The following COL4A3 variants were observed in gnomAD, a reference collection of about 807,000 sequenced individuals.
The protein encoded by COL4A3 is collagen alpha-3(IV) chain.
Under a neutral mutation model 217.4 loss-of-function variants are expected in COL4A3, and 135 were observed. The ratio of observed to expected loss-of-function variants is 0.62; its 90% CI spans 0.54 to 0.72. The LOEUF is 0.72. COL4A3 is among the 30% of genes least tolerant of loss of function. COL4A3 has a pLI of 0.00. For synonymous variants in COL4A3, 690 were observed against 736.3 expected, an observed-to-expected ratio of 0.94 and a Z score of 1.02; for missense variants, 1,868 against 2,119.9, an observed-to-expected ratio of 0.88 and a Z score of 2.33.
intron 28 of COL4A3, among the ~76,000 whole-genome samples, chr2:227,279,225 T>G (rs187073729): frequency 5.4e-4 from 82 of 151,888 alleles, no homozygotes; most frequent in African/African-American, 2.0e-3. Flanking sequence ...ATTACAGACA[T>G]GTGCCACCAT....
intron 1 of COL4A3, among the ~76,000 whole-genome samples, chr2:227,206,293 C>T (rs2067098917): frequency 6.6e-6 from 1 of 152,212 alleles, no homozygotes; most frequent in Admixed American, 6.5e-5. Context: ...AGGCTGGTCT[C>T]AACTCCTGAC....
chr2:227,292,324 A>G (rs530239673), intron 37 of COL4A3, among the ~76,000 whole-genome samples: 1 of 152,314 alleles, frequency 6.6e-6, no homozygotes, highest in South Asian at 2.1e-4. Context: ...TTTGTTCTTT[A>G]TATTTAGATT....
chr2:227,271,337 A>G (rs73993879), intron 25 of COL4A3, among the ~76,000 whole-genome samples: 4,421 of 152,236 alleles, frequency 0.029, 237 homozygotes, highest in African/African-American at 0.1. Flanking sequence ...AAGACAGCAT[A>G]TTTAGGGGTA....
intron 5 of COL4A3, 133 bp downstream of exon 5, chr2:227,245,128 T>C (rs890208709): frequency 1.2e-6 from 1 of 808,382 alleles, no homozygotes; most frequent in Admixed American, 1.9e-5. Context: ...CTTAGGATGG[T>C]ATATTATACT....
At position 227,313,609 on chromosome 2, in the gene COL4A3, C is replaced by G. The variant is rs750139996; in HGVS notation, c.*1739C>G. 2 of 152,530 alleles carry G rather than the reference C, an allele frequency of 1.3e-5. No homozygotes were observed. Among genetic ancestry groups the G allele is most frequent in the Non-Finnish European group, 2.9e-5 (2 of 68,018 alleles). 9.4% of individuals were successfully genotyped at this position (152,530 alleles called of 1,614,324 possible). The stretch of plus-strand genomic sequence containing the variant: ...TTGCTTTGTAAGTGAAAAACATGAC[C>G]CAGAGGACAGCACAGACTATGGCCA... On this transcript the variant is annotated 3_prime_UTR_variant, in exon 52 of 52. Transcript: ENST00000396578.
At chr2:227,194,120 C>G (rs1308262495) in intron 1 of COL4A3, among the ~76,000 whole-genome samples, 2 of 140,574 alleles carry the variant, frequency 1.4e-5, no homozygotes, top group Non-Finnish European at 3.2e-5. Flanking sequence ...AGGAAGAGTC[C>G]TATGGGTTAT....
At chr2:227,211,232 C>T (rs1482682949) in intron 1 of COL4A3, among the ~76,000 whole-genome samples, 3 of 152,122 alleles carry the variant, frequency 2.0e-5, no homozygotes, top group Admixed American at 6.5e-5. Flanking sequence ...ATCTCTTGAC[C>T]TCGTGATCCG....
rs1227791162 is a variant in COL4A3, at chr2:227,312,595, T to A, written c.*725T>A. 1 of 152,564 alleles carries A rather than the reference T, an allele frequency of 6.6e-6. No homozygotes were observed. Among genetic ancestry groups the A allele is most frequent in the Non-Finnish European group, 1.5e-5 (1 of 68,054 alleles). The allele number at this position is 152,564 out of a possible 1,614,324, so 9.5% of individuals were successfully genotyped here. On this transcript the variant is annotated 3_prime_UTR_variant, in exon 52 of 52. Coordinates refer to ENST00000396578, the MANE Select transcript of COL4A3 (RefSeq NM_000091.5). ...ACTGTAGCTCTAAAATCTGCTTGTA[T>A]TCCAAGCATATAAAATTTTCCCCCT...
chr2:227,263,996 T>A (rs754897004), intron 21 of COL4A3, 52 bp downstream of exon 21: 1 of 1,606,874 alleles, frequency 6.2e-7, no homozygotes, highest in Non-Finnish European at 8.5e-7. Context: ...ATGACAGATG[T>A]GTGCAAACCA....
At chr2:227,235,556 G>A (rs2068644758) in intron 1 of COL4A3, among the ~76,000 whole-genome samples, 1 of 152,104 alleles carries the variant, frequency 6.6e-6, no homozygotes, top group Non-Finnish European at 1.5e-5. Context: ...CCCAAACAGT[G>A]TACACTGTAC....
At chr2:227,289,972 G>T in intron 35 of COL4A3, 27 bp from the exon 36 acceptor site, 1 of 1,602,072 alleles carries the variant, frequency 6.2e-7, no homozygotes, top group Non-Finnish European at 8.6e-7. Flanking sequence ...AACTGTGCAG[G>T]GCAATAACTA....
Position 227,303,909 on chromosome 2 carries a change from A to G in COL4A3, c.4006A>G (p.Ile1336Val), listed in dbSNP as rs1559918993. Residue 1336 changes from isoleucine (I) to valine (V), a missense_variant, in exon 45 of 52, where the codon ATT (isoleucine) becomes GTT (valine). Ile to Val is a conservative substitution (Grantham distance 29). Coordinates refer to ENST00000396578, the MANE Select transcript of COL4A3 (RefSeq NM_000091.5). The part of the protein sequence containing the change: ...FLGSIGPPGP[I>V]GPKGPPGVRG... ...AGGATCCATTGGACCTCCAGGACCA[A>G]TTGGGCCAAAAGGACCACCTGGTAA... 4 of 1,614,248 alleles carry G rather than the reference A, an allele frequency of 2.5e-6. No homozygotes were observed. The highest frequency in any genetic ancestry group is 1.1e-5 in the South Asian group (1 of 91,088).
intron 34 of COL4A3, 86 bp from the exon 35 acceptor site, chr2:227,289,064 C>A: frequency 1.0e-6 from 1 of 980,006 alleles, no homozygotes; most frequent in Non-Finnish European, 1.6e-6. Flanking sequence ...GATTTTCCTG[C>A]CTCAGCCTCC....
At chr2:227,244,294 C>T (rs1559860198) in intron 3 of COL4A3, 26 bp from the exon 4 acceptor site, 2 of 1,611,810 alleles carry the variant, frequency 1.2e-6, no homozygotes, top group Non-Finnish European at 1.7e-6. Context: ...AGAGTGTTTA[C>T]TTTTTCTTTT....
At chr2:227,221,760 C>T (rs756321131) in intron 1 of COL4A3, among the ~76,000 whole-genome samples, 4 of 151,924 alleles carry the variant, frequency 2.6e-5, no homozygotes, top group African/African-American at 7.3e-5. Flanking sequence ...CATAAGCTAC[C>T]GTGTCCCCTG....
In COL4A3 at chr2:227,279,787, C is replaced by T; in HGVS notation, c.2126-6C>T. 2 of 1,594,116 alleles carry T rather than the reference C, an allele frequency of 1.3e-6. No homozygotes were observed. Among genetic ancestry groups the T allele is most frequent in the Non-Finnish European group, 1.7e-6 (2 of 1,167,100 alleles). On this transcript the variant is annotated splice_region_variant and splice_polypyrimidine_tract_variant and intron_variant, in intron 28 of 51. Coordinates refer to ENST00000396578, the MANE Select transcript of COL4A3 (RefSeq NM_000091.5). Reference sequence around the variant, plus strand: ...TACAACAATGTTTATTGTTTTTTCTCTGTAGGAGACCAAGGTTTTCCAGGT... The same window carrying T: ...TACAACAATGTTTATTGTTTTTTCTTTGTAGGAGACCAAGGTTTTCCAGGT...
At chr2:227,181,019 G>A (rs947324893) in intron 1 of COL4A3, among the ~76,000 whole-genome samples, 6 of 152,150 alleles carry the variant, frequency 3.9e-5, no homozygotes, top group Admixed American at 2.0e-4. Flanking sequence ...AATGAGCAGA[G>A]TATTTACCTT....
chr2:227,250,484 C>A lies in COL4A3; in HGVS notation c.547-656C>A, dbSNP rs2069675159. On this transcript the variant is annotated intron_variant, in intron 9 of 51. Coordinates refer to ENST00000396578, the MANE Select transcript of COL4A3 (RefSeq NM_000091.5). This position sits in a 1 kb window ranked among gnomAD's most constrained non-coding sequence, Gnocchi z 4.1. ...AAGGTCTCTTGAGCCTAGTTATAGG[C>A]CAGCCTGGGCAACACAGCAAGACCC... Among the ~76,000 whole-genome samples the A allele has an allele frequency of 1.3e-5, 2 of 152,014 alleles. No homozygotes were observed. The highest frequency in any genetic ancestry group is 4.2e-4 in the South Asian group (2 of 4,816).
In COL4A3 at chr2:227,256,558, C is replaced by T. The variant is rs368935455; in HGVS notation, c.987+162C>T. 6.8e-5 allele frequency: 53 copies of T among 775,868 alleles called. No individual in the cohort carries two copies. The East Asian group carries it at 1.2e-3, about 18-fold the overall frequency. The allele number at this position is 775,868 out of a possible 1,614,324, so 48.1% of individuals were successfully genotyped here. A position where few individuals can be genotyped will look rare whatever the true frequency, so the allele number is the denominator to read the frequency against. On this transcript the variant is annotated intron_variant, in intron 17 of 51. Coordinates refer to ENST00000396578, the MANE Select transcript of COL4A3 (RefSeq NM_000091.5). ...AGAAAAGAGAGATGTGGCAACTTTACTTAAACATTTGAAGGGTGTTCTTGA... is the reference window on the plus strand; with the variant it reads ...AGAAAAGAGAGATGTGGCAACTTTATTTAAACATTTGAAGGGTGTTCTTGA...
Sources: allele counts gnomAD v4.1 joint callset (sites outside exome capture counted in the v4.1 genomes callset), GRCh38; gene constraint gnomAD v4.1.1; non-coding constraint Gnocchi (gnomAD v3.1); transcripts MANE v1.5; gene names NCBI Gene and HGNC (gene_info 2026-07-23, HGNC 2026-07-21).